The following ZC3H3 variants were observed in gnomAD, a reference collection of about 807,000 sequenced individuals.
ZC3H3 encodes the protein zinc finger CCCH domain-containing protein 3.
In ZC3H3, 36 loss-of-function variants were observed where a neutral mutation model predicts 77.3. The ratio of observed to expected loss-of-function variants is 0.47; its 90% confidence interval spans 0.36 to 0.61. The LOEUF (loss-of-function observed/expected upper bound fraction) is 0.61. Ranked by LOEUF, ZC3H3 falls within the 20% of genes least tolerant of loss-of-function variation. The probability of loss-of-function intolerance (pLI) is 0.00; values close to 1 mark genes in which losing one functional copy is unlikely to be tolerated. For synonymous variants in ZC3H3, 626 were observed against 555.2 expected, an observed-to-expected ratio of 1.13 and a Z score of -1.79; for missense variants, 1,331 against 1,312.2, an observed-to-expected ratio of 1.01 and a Z score of -0.22.
intron 4 of ZC3H3, among the ~76,000 whole-genome samples, chr8:143,491,297 C>G (rs1244705201): frequency 6.6e-6 from 1 of 152,256 alleles, no homozygotes; most frequent in Non-Finnish European, 1.5e-5. Flanking sequence ...TGTCACCAGA[C>G]ACTCCCTGCA....
intron 3 of ZC3H3, among the ~76,000 whole-genome samples, chr8:143,516,940 A>G (rs1822074436): frequency 6.6e-6 from 1 of 152,210 alleles, no homozygotes. Flanking sequence ...GTGATGACAA[A>G]TGACCGCTGT....
At chr8:143,447,386 C>T (rs1003096370) in intron 9 of ZC3H3, among the ~76,000 whole-genome samples, 1 of 152,242 alleles carries the variant, frequency 6.6e-6, no homozygotes, top group African/African-American at 2.4e-5. Context: ...CTTTCTCACG[C>T]TCCTCTGCAT....
intron 11 of ZC3H3, among the ~76,000 whole-genome samples, chr8:143,439,089 T>A (rs937306784): frequency 2.0e-5 from 3 of 151,546 alleles, no homozygotes; most frequent in Admixed American, 6.6e-5. Flanking sequence ...TGGAACTGGC[T>A]GCTAGGTTCC....
At chr8:143,518,445 A>G (rs1321324940) in intron 3 of ZC3H3, among the ~76,000 whole-genome samples, 3 of 152,234 alleles carry the variant, frequency 2.0e-5, no homozygotes, top group Non-Finnish European at 4.4e-5. Context: ...CTTTGGAGAG[A>G]GTCCTGGCAA....
At chr8:143,495,374 A>T (rs772630247) in intron 4 of ZC3H3, among the ~76,000 whole-genome samples, 46 of 152,044 alleles carry the variant, frequency 3.0e-4, no homozygotes, top group Admixed American at 8.5e-4. Flanking sequence ...ACTTAGAGGC[A>T]CAGGATGCTC....
chr8:143,541,367 C>T lies in ZC3H3; in HGVS notation c.46+9G>A. The T allele has an allele frequency of 3.7e-6, 6 of 1,608,746 alleles. No homozygotes were observed. The highest frequency in any genetic ancestry group is 1.1e-5 in the South Asian group (1 of 90,554). On this transcript the variant is annotated intron_variant, in intron 1 of 11. Coordinates refer to ENST00000262577, the MANE Select transcript of ZC3H3 (RefSeq NM_015117.3). Reference sequence around the variant, plus strand: ...AGGGGACTCGCGTCCCGGCCCCGGCCGGACCTACCCTGCAGTAGGCGGATC... The same window carrying T: ...AGGGGACTCGCGTCCCGGCCCCGGCTGGACCTACCCTGCAGTAGGCGGATC...
At chr8:143,446,892 T>C (rs1819874771) in intron 9 of ZC3H3, among the ~76,000 whole-genome samples, 1 of 152,252 alleles carries the variant, frequency 6.6e-6, no homozygotes. Flanking sequence ...CGTCTGCCTT[T>C]TCTATCAGCA....
chr8:143,440,429 C>A, intron 10 of ZC3H3, 66 bp from the exon 11 acceptor site: 1 of 1,479,192 alleles, frequency 6.8e-7, no homozygotes, highest in South Asian at 1.4e-5. Flanking sequence ...CGACAGACTG[C>A]CCATGCTCTT....
At chr8:143,529,753 G>A (rs1279246969) in intron 3 of ZC3H3, among the ~76,000 whole-genome samples, 1 of 152,178 alleles carries the variant, frequency 6.6e-6, no homozygotes, top group Non-Finnish European at 1.5e-5. Context: ...GTCCTGCTCT[G>A]GGGCTGGGGG....
At chr8:143,521,479 G>T (rs1249276739) in intron 3 of ZC3H3, among the ~76,000 whole-genome samples, 1 of 141,346 alleles carries the variant, frequency 7.1e-6, no homozygotes, top group Non-Finnish European at 1.6e-5. Flanking sequence ...TGGGCAGGAA[G>T]CCCAGGCTGG....
chr8:143,494,428 G>C lies in ZC3H3; in HGVS notation c.1715+13318C>G, dbSNP rs976048045. 3.3e-5 allele frequency among the ~76,000 whole-genome samples: 5 copies of C among 152,150 alleles called. No homozygotes were observed. The highest frequency in any genetic ancestry group is 9.7e-5 in the African/African-American group (4 of 41,440). On this transcript the variant is annotated intron_variant, in intron 4 of 11. Transcript: ENST00000262577. The surrounding 1 kb of genome is among the most constrained non-coding windows in gnomAD (Gnocchi z 5.3). ...CAAATGCCTGCCAGCGTGGAGGATG[G>C]GGCTCCGGCAGATGACCCCCGAGGG... is the stretch of plus-strand genomic sequence containing the variant.
Position 143,462,565 on chromosome 8 carries a change from AG to A in ZC3H3, c.2307+3151del. On this transcript the variant is annotated intron_variant, in intron 9 of 11. Transcript: ENST00000262577. This position sits in a 1 kb window ranked among gnomAD's most constrained non-coding sequence, Gnocchi z 4.7. ...GGAGGATGAAGGCAGGGTGTGCGTG[AG>A]GGGAATCCCAGGTGACTCAGGTCTC... 6.6e-6 allele frequency among the ~76,000 whole-genome samples: 1 copy of A among 152,338 alleles called. No homozygotes were observed. Among genetic ancestry groups the A allele is most frequent in the South Asian group, 2.1e-4 (1 of 4,826 alleles).
chr8:143,527,008 C>G (rs894447732), intron 3 of ZC3H3, among the ~76,000 whole-genome samples: 1 of 152,120 alleles, frequency 6.6e-6, no homozygotes, highest in African/African-American at 2.4e-5. Context: ...AGAGGACAGG[C>G]GGGCAGAGTG....
At chr8:143,474,323 G>A (rs548758703) in intron 5 of ZC3H3, among the ~76,000 whole-genome samples, 18 of 152,320 alleles carry the variant, frequency 1.2e-4, no homozygotes, top group African/African-American at 2.4e-4. Flanking sequence ...GATCCTCAGC[G>A]AGTGGGGATT....
chr8:143,439,015 T>C (rs867150104), intron 11 of ZC3H3, among the ~76,000 whole-genome samples: 1 of 151,890 alleles, frequency 6.6e-6, no homozygotes, highest in Non-Finnish European at 1.5e-5. Context: ...TTCTGCAGCC[T>C]TTCCCAGGCC....
intron 3 of ZC3H3, among the ~76,000 whole-genome samples, chr8:143,516,404 G>C (rs1437623848): frequency 1.3e-5 from 2 of 152,124 alleles, no homozygotes; most frequent in Non-Finnish European, 2.9e-5. Context: ...CCCTGAGGCT[G>C]CTCCGCAGGG....
chr8:143,449,166 T>C (rs752194041), intron 9 of ZC3H3, among the ~76,000 whole-genome samples: 1 of 152,220 alleles, frequency 6.6e-6, no homozygotes, highest in African/African-American at 2.4e-5. Context: ...GTCTCTGAAA[T>C]GCCTCTGAGG....
chr8:143,537,783 A>G (rs1407298647), intron 2 of ZC3H3, among the ~76,000 whole-genome samples: 1 of 152,144 alleles, frequency 6.6e-6, no homozygotes. Context: ...GCTTGCCAGC[A>G]GTGTGAGGGA....
intron 3 of ZC3H3, among the ~76,000 whole-genome samples, chr8:143,520,286 G>C (rs1411126651): frequency 4.6e-5 from 7 of 152,236 alleles, no homozygotes; most frequent in Admixed American, 3.9e-4. Context: ...GGAGAGGGCA[G>C]GTTGGGGGCA....
Sources: allele counts gnomAD v4.1 joint callset (sites outside exome capture counted in the v4.1 genomes callset), GRCh38; gene constraint gnomAD v4.1.1; non-coding constraint Gnocchi (gnomAD v3.1); transcripts MANE v1.5; gene names NCBI Gene and HGNC (gene_info 2026-07-23, HGNC 2026-07-21).